The following NMUR1 variants were observed in gnomAD, a reference collection of about 807,000 sequenced individuals.
NMUR1 encodes neuromedin U receptor 1.
In NMUR1, 16 loss-of-function variants were observed where a neutral mutation model predicts 18.8. The observed-to-expected ratio is 0.85, with a 90% CI of 0.58 to 1.29. The LOEUF (loss-of-function observed/expected upper bound fraction) is 1.29. NMUR1 is among the 50% of genes most tolerant of loss of function. NMUR1 has a pLI of 0.00. For synonymous variants in NMUR1, 258 were observed against 258.2 expected (o/e 1.00, Z 0.01); for missense variants, 529 against 580.3 (o/e 0.91, Z 0.91).
chr2:231,526,535 C>T (rs925600540), intron 2 of NMUR1, among the ~76,000 whole-genome samples: 6 of 152,206 alleles, frequency 3.9e-5, no homozygotes, highest in East Asian at 1.9e-4. Flanking sequence ...GGAGGCAGGG[C>T]GGCAGTGGGC....
At chr2:231,521,215 C>T (rs929899426), downstream of NMUR1, among the ~76,000 whole-genome samples, 1 of 152,090 alleles carries the variant, frequency 6.6e-6, no homozygotes, top group Non-Finnish European at 1.5e-5. Context: ...GCCTCTACAA[C>T]ACAAGAAAAA....
downstream of NMUR1, among the ~76,000 whole-genome samples, chr2:231,520,536 AT>A (rs2047296003): frequency 6.6e-6 from 1 of 152,196 alleles, no homozygotes; most frequent in Admixed American, 6.5e-5. Context: ...ACAATGAGAG[AT>A]TCCCCCCAAT....
chr2:231,525,260 A>G lies in NMUR1; in HGVS notation c.1064T>C (p.Leu355Pro), dbSNP rs768119018. ...GAAGCGGCTGGACATGAGGCTATAG[A>G]GCACGGGGTTGGCCGCCGAGCCCAG... ...FYLGSAANPV[L>P]YSLMSSRFRE... Residue 355 changes from leucine to proline, a missense_variant, in exon 3 of 3, where the codon CTC becomes CCC. Leu to Pro is a moderately conservative substitution (Grantham distance 98). Coordinates refer to ENST00000305141, the MANE Select transcript of NMUR1 (RefSeq NM_006056.5). 1.2e-6 allele frequency: 2 copies of G among 1,614,158 alleles called. No homozygotes were observed. The highest frequency in any genetic ancestry group is 1.3e-5 in the African/African-American group (1 of 75,032).
downstream of NMUR1, among the ~76,000 whole-genome samples, chr2:231,519,337 C>A (rs537517206): frequency 6.6e-6 from 1 of 152,242 alleles, no homozygotes; most frequent in Non-Finnish European, 1.5e-5. Context: ...CGCACCTATG[C>A]GTCAGGCCTT....
At position 231,525,248 on chromosome 2, in the gene NMUR1, A is replaced by T. The variant is rs774528447; in HGVS notation, c.1076T>A (p.Met359Lys). 1 of 1,614,072 alleles carries T rather than the reference A, an allele frequency of 6.2e-7. No homozygotes were observed. The highest frequency in any genetic ancestry group is 8.5e-7 in the Non-Finnish European group (1 of 1,180,046). ...SAANPVLYSLMSSRFRETFQE... is the reference protein window; with the variant it reads ...SAANPVLYSLKSSRFRETFQE... The stretch of plus-strand genomic sequence containing the variant: ...GAAGGTCTCTCGGAAGCGGCTGGAC[A>T]TGAGGCTATAGAGCACGGGGTTGGC... The change falls in exon 3 of 3, where the codon ATG (methionine) becomes AAG (lysine). Residue 359 changes from methionine (M) to lysine (K), a missense_variant. By Grantham distance (95) the Met-to-Lys change is moderately conservative. Coordinates refer to ENST00000305141, the MANE Select transcript of NMUR1 (RefSeq NM_006056.5).
Position 231,525,360 on chromosome 2 carries a change from C to A in NMUR1, c.964G>T (p.Val322Phe), listed in dbSNP as rs561296009. 4.3e-6 allele frequency: 7 copies of A among 1,614,106 alleles called. No individual in the cohort carries two copies. In the South Asian group the frequency reaches 7.7e-5, roughly 18 times the overall value. ...PFHADRVMWS[V>F]VSQWTDGLHL... The stretch of plus-strand genomic sequence containing the variant: ...AGGCCATCTGTCCACTGTGACACGA[C>A]GCTCCACATGACGCGGTCGGCGTGG... Residue 322 changes from valine to phenylalanine, a missense_variant, in exon 3 of 3, where the codon GTC becomes TTC. By Grantham distance (50) the Val-to-Phe change is conservative (BLOSUM62 -1). Transcript: ENST00000305141.
intron 2 of NMUR1, among the ~76,000 whole-genome samples, chr2:231,526,838 G>A (rs1023882356): frequency 6.6e-6 from 1 of 152,072 alleles, no homozygotes; most frequent in Non-Finnish European, 1.5e-5. Flanking sequence ...GATCGGCTTA[G>A]TATCAGTTTG....
chr2:231,521,129 C>CTT (rs1459844958), downstream of NMUR1, among the ~76,000 whole-genome samples: 4 of 152,190 alleles, frequency 2.6e-5, no homozygotes, highest in African/African-American at 9.6e-5. Context: ...AATCCCAGTA[C>CTT]TTTAAGAGGC....
In NMUR1 at chr2:231,525,440, A is replaced by G. The variant is rs3752763; in HGVS notation, c.899-15T>C. The G allele has an allele frequency of 0.3, 484,917 of 1,593,186 alleles. 78,558 individuals carry two copies. Among genetic ancestry groups the G allele is most frequent in the East Asian group, 0.51 (22,548 of 44,608 alleles). ...GACCAGGACAACTGCAGGGACAGAG[A>G]AGGGAGGCCGAGTGCCCGCCCGAGG... On this transcript the variant is annotated splice_polypyrimidine_tract_variant and intron_variant, in intron 2 of 2. Coordinates refer to ENST00000305141, the MANE Select transcript of NMUR1 (RefSeq NM_006056.5).
chr2:231,526,236 T>C (rs2047355465), intron 2 of NMUR1, among the ~76,000 whole-genome samples: 1 of 152,212 alleles, frequency 6.6e-6, no homozygotes, highest in African/African-American at 2.4e-5. Flanking sequence ...CCTTGTTTCT[T>C]GGGTTTGCTG....
chr2:231,528,498 G>A lies in NMUR1; in HGVS notation c.523C>T (p.Arg175Trp), dbSNP rs765171008. ...HPLQARSMVTRAHVRRVLGAV... is the reference protein window; with the variant it reads ...HPLQARSMVTWAHVRRVLGAV... The stretch of plus-strand genomic sequence containing the variant: ...CCAAGCACTCGGCGCACATGGGCCC[G>A]CGTCACCATGGACCTGGCCTGGAGT... The change falls in exon 2 of 3, where the codon CGG (arginine) becomes TGG (tryptophan). Residue 175 changes from arginine to tryptophan, a missense_variant. Coordinates refer to ENST00000305141, the MANE Select transcript of NMUR1 (RefSeq NM_006056.5). The A allele has an allele frequency of 1.4e-5, 23 of 1,613,728 alleles. No individual in the cohort carries two copies. Among genetic ancestry groups the A allele is most frequent in the South Asian group, 5.5e-5 (5 of 91,074 alleles).
At chr2:231,522,929 TTAG>T (rs920574721), downstream of NMUR1, among the ~76,000 whole-genome samples, 2 of 152,078 alleles carry the variant, frequency 1.3e-5, no homozygotes. Context: ...AGCCAGGGAC[TTAG>T]TAGGCAGGGG....
At chr2:231,525,805 A>T (rs2047350653) in intron 2 of NMUR1, among the ~76,000 whole-genome samples, 1 of 152,200 alleles carries the variant, frequency 6.6e-6, no homozygotes, top group Non-Finnish European at 1.5e-5. Context: ...GCCACTCTGG[A>T]TGCCCACTTG....
At position 231,528,998 on chromosome 2, in the gene NMUR1, C is replaced by T. The variant is rs2047389646; in HGVS notation, c.23G>A (p.Cys8Tyr). The T allele has an allele frequency of 6.2e-7, 1 of 1,607,788 alleles. No individual in the cohort carries two copies. The highest frequency in any genetic ancestry group is 8.5e-7 in the Non-Finnish European group (1 of 1,175,666). The change falls in exon 2 of 3, where the codon TGC becomes TAC. Residue 8 changes from cysteine to tyrosine, a missense_variant. Transcript: ENST00000305141. MTPLCLNCSVLPGDLYPG... is the reference protein window; with the variant it reads MTPLCLNYSVLPGDLYPG... Reference sequence around the variant, plus strand: ...GTACAGGTCTCCAGGGAGGACAGAGCAATTGAGGCAGAGAGGAGTCTGTGG... The same window carrying T: ...GTACAGGTCTCCAGGGAGGACAGAGTAATTGAGGCAGAGAGGAGTCTGTGG...
Position 231,528,676 on chromosome 2 carries a change from G to A in NMUR1, c.345C>T (p.Pro115=). The change falls in exon 2 of 3, where the codon CCC becomes CCT. Residue 115 remains proline (P), a synonymous_variant. Transcript: ENST00000305141. ...TGTGCCACATCTCATAGAGCTCCAG[G>A]GGCAGGCCCACCAGCAGCACCAGCA... is the stretch of plus-strand genomic sequence containing the variant. ...SDLLVLLVGL[P]LELYEMWHNY... is the part of the protein sequence containing the mutation. 1 of 1,614,238 alleles carries A rather than the reference G, an allele frequency of 6.2e-7. No homozygotes were observed. The highest frequency in any genetic ancestry group is 8.5e-7 in the Non-Finnish European group (1 of 1,180,042).
At chr2:231,529,619 C>T (rs1046111858) in intron 1 of NMUR1, among the ~76,000 whole-genome samples, 14 of 152,082 alleles carry the variant, frequency 9.2e-5, no homozygotes, top group Non-Finnish European at 1.9e-4. Flanking sequence ...AGATGAGGCA[C>T]TCGTTTGGGC....
In NMUR1 at chr2:231,528,392, C is replaced by T. The variant is rs775345754; in HGVS notation, c.629G>A (p.Arg210Gln). The T allele has an allele frequency of 6.2e-6, 10 of 1,613,720 alleles. No individual in the cohort carries two copies. The highest frequency in any genetic ancestry group is 1.7e-4 in the Middle Eastern group (1 of 6,056). ...HGIRQLHVPC[R>Q]GPVPDSAVCM... ...AACAGCTGAGTCTGGCACTGGGCCC[C>T]GGCAGGGCACGTGCAGCTGCCGGAT... Residue 210 changes from arginine (R) to glutamine (Q), a missense_variant, in exon 2 of 3, where the codon CGG becomes CAG. Arg to Gln is a conservative substitution (Grantham distance 43, BLOSUM62 1). Transcript: ENST00000305141.
downstream of NMUR1, among the ~76,000 whole-genome samples, chr2:231,522,620 C>G (rs2047315443): frequency 6.6e-6 from 1 of 150,610 alleles, no homozygotes. Context: ...CCCCCACCCT[C>G]CCCCAAGGCC....
chr2:231,522,364 G>A (rs1245397862), downstream of NMUR1, among the ~76,000 whole-genome samples: 10 of 151,940 alleles, frequency 6.6e-5, no homozygotes, highest in Non-Finnish European at 1.0e-4. Flanking sequence ...GCTGTCCAGG[G>A]TGCCTCGAGC....
Sources: allele counts gnomAD v4.1 joint callset (sites outside exome capture counted in the v4.1 genomes callset), GRCh38; gene constraint gnomAD v4.1.1; transcripts MANE v1.5; gene names NCBI Gene and HGNC (gene_info 2026-07-23, HGNC 2026-07-21).